The following EHMT1 variants were observed in gnomAD, a reference collection of about 807,000 sequenced individuals.
EHMT1 encodes the protein euchromatic histone lysine methyltransferase 1.
A neutral mutation model predicts 147.2 loss-of-function variants in EHMT1; 15 were observed. The ratio of observed to expected loss-of-function variants is 0.10; its 90% CI spans 0.07 to 0.16. The LOEUF (loss-of-function observed/expected upper bound fraction) is 0.16. Among genes scored for constraint, EHMT1 ranks in the 10% least tolerant of loss-of-function variants. The probability of loss-of-function intolerance (pLI) is 1.00; values close to 1 mark genes in which losing one functional copy is unlikely to be tolerated. For missense variants in EHMT1, 1,587 were observed against 1,772.4 expected (o/e 0.90, Z 1.88); for synonymous variants, 795 against 709.6 (o/e 1.12, Z -1.91).
chr9:137,652,453 C>T (rs2133964328), intron 1 of EHMT1, among the ~76,000 whole-genome samples: 1 of 152,118 alleles, frequency 6.6e-6, no homozygotes, highest in South Asian at 2.1e-4. Context: ...GTGGTGCGAT[C>T]TTGGCTCACT....
At chr9:137,636,185 G>C (rs1432528717) in intron 1 of EHMT1, among the ~76,000 whole-genome samples, 1 of 152,128 alleles carries the variant, frequency 6.6e-6, no homozygotes, top group Non-Finnish European at 1.5e-5. Context: ...CTCCCAGAGT[G>C]CTGGGATTAT....
chr9:137,691,190 A>G lies in EHMT1; in HGVS notation c.22-19777A>G, dbSNP rs566856043. On this transcript the variant is annotated intron_variant, in intron 1 of 26. Transcript: ENST00000460843. ...TAGGGACCTTACACAAGTGGACCATACAGTATTTATCTTTTGTGCTTGGCT... is the reference window on the plus strand; with the variant it reads ...TAGGGACCTTACACAAGTGGACCATGCAGTATTTATCTTTTGTGCTTGGCT... 6.6e-5 allele frequency among the ~76,000 whole-genome samples: 10 copies of G among 152,120 alleles called. No individual in the cohort carries two copies. The East Asian group carries it at 1.2e-3, about 18-fold the overall frequency.
intron 19 of EHMT1, 114 bp from the exon 20 acceptor site, chr9:137,812,881 AAGTTATCTCAC>A (rs1954607589): frequency 1.5e-6 from 2 of 1,351,094 alleles, no homozygotes; most frequent in South Asian, 2.4e-5. Context: ...AGACTTGTTC[AAGTTATCTCAC>A]AGTGAATAGT....
intron 3 of EHMT1, 29 bp downstream of exon 3, chr9:137,717,211 C>G: frequency 1.9e-6 from 3 of 1,608,626 alleles, no homozygotes; most frequent in Non-Finnish European, 2.5e-6. Flanking sequence ...TTGCTGTTTC[C>G]TTTTTCCCAT....
chr9:137,780,555 T>TGAC (rs759848441), intron 14 of EHMT1, among the ~76,000 whole-genome samples: 9 of 135,900 alleles, frequency 6.6e-5, no homozygotes, highest in Admixed American at 7.4e-5. Flanking sequence ...TGTGTGGTGA[T>TGAC]GGCATCACTG....
At chr9:137,799,216 G>A (rs1326935784) in intron 17 of EHMT1, among the ~76,000 whole-genome samples, 4 of 151,800 alleles carry the variant, frequency 2.6e-5, no homozygotes, top group Non-Finnish European at 4.4e-5. Context: ...GGGCCCTGGA[G>A]TGCCTTGTCC....
intron 9 of EHMT1, 151 bp from the exon 10 acceptor site, chr9:137,762,523 GC>G: frequency 7.3e-7 from 1 of 1,363,080 alleles, no homozygotes; most frequent in Non-Finnish European, 1.0e-6. Context: ...GGCCATCCCC[GC>G]CCCACGCAGG....
At chr9:137,725,704 C>T (rs907028266) in intron 3 of EHMT1, among the ~76,000 whole-genome samples, 4 of 152,060 alleles carry the variant, frequency 2.6e-5, no homozygotes, top group Non-Finnish European at 5.9e-5. Flanking sequence ...AAGATGCGCT[C>T]GAGAGACAGA....
intron 1 of EHMT1, among the ~76,000 whole-genome samples, chr9:137,705,136 T>A (rs1944157522): frequency 6.6e-6 from 1 of 152,018 alleles, no homozygotes; most frequent in South Asian, 2.1e-4. Flanking sequence ...ACTACAGGTG[T>A]GTGCCACCAC....
chr9:137,817,432 T>C lies in EHMT1; in HGVS notation c.3375-7T>C. 6.2e-7 allele frequency: 1 copy of C among 1,614,158 alleles called. No homozygotes were observed. Among genetic ancestry groups the C allele is most frequent in the Non-Finnish European group, 8.5e-7 (1 of 1,180,016 alleles). On this transcript the variant is annotated splice_region_variant and splice_polypyrimidine_tract_variant and intron_variant, in intron 23 of 26. Transcript: ENST00000460843. ...GCCTGGGTTCACCACTACTCTCTAT[T>C]TTTCAGGGCAAGGCTGCAGCTCTAC...
intron 1 of EHMT1, among the ~76,000 whole-genome samples, chr9:137,695,789 A>G (rs781646970): frequency 6.6e-6 from 1 of 152,372 alleles, no homozygotes; most frequent in Non-Finnish European, 1.5e-5. Flanking sequence ...CTTCAGCCAC[A>G]TACTTCAGGT....
intron 1 of EHMT1, among the ~76,000 whole-genome samples, chr9:137,647,218 T>C (rs556365458): frequency 1.3e-5 from 2 of 152,206 alleles, no homozygotes; most frequent in African/African-American, 4.8e-5. Flanking sequence ...TGTGTCCTTA[T>C]TCCCTGAGCT....
intron 4 of EHMT1, among the ~76,000 whole-genome samples, chr9:137,739,370 AAG>A (rs1267071334): frequency 6.6e-6 from 1 of 152,086 alleles, no homozygotes; most frequent in Non-Finnish European, 1.5e-5. Flanking sequence ...AAAAAAAAAA[AAG>A]AAAGAAAAAG....
intron 1 of EHMT1, among the ~76,000 whole-genome samples, chr9:137,706,164 G>T (rs1401234147): frequency 2.0e-5 from 3 of 152,190 alleles, no homozygotes; most frequent in Non-Finnish European, 4.4e-5. Context: ...CTGGCCTGGG[G>T]GTTGGCGAGT....
At chr9:137,635,229 C>G (rs1447870871) in intron 1 of EHMT1, among the ~76,000 whole-genome samples, 1 of 151,648 alleles carries the variant, frequency 6.6e-6, no homozygotes, top group African/African-American at 2.4e-5. Flanking sequence ...TATTTTGAGA[C>G]AGAGTCTTGC....
intron 2 of EHMT1, among the ~76,000 whole-genome samples, chr9:137,714,003 T>G (rs1009997068): frequency 6.6e-6 from 1 of 152,228 alleles, no homozygotes; most frequent in Non-Finnish European, 1.5e-5. Flanking sequence ...TCTTATATCC[T>G]ATAACCTTGC....
In EHMT1 at chr9:137,728,536, A is replaced by G. The variant is rs1432339970; in HGVS notation, c.823+7A>G. 3.1e-6 allele frequency: 5 copies of G among 1,614,100 alleles called. No individual in the cohort carries two copies. The highest frequency in any genetic ancestry group is 1.3e-5 in the African/African-American group (1 of 75,040). On this transcript the variant is annotated splice_region_variant and intron_variant, in intron 4 of 26. Coordinates refer to ENST00000460843, the MANE Select transcript of EHMT1 (RefSeq NM_024757.5). ...ACCACAAAATCACAGACAGGTAAAGAGGACCCGGCAACTGTCTCTGCTCTT... is the reference window on the plus strand; with the variant it reads ...ACCACAAAATCACAGACAGGTAAAGGGGACCCGGCAACTGTCTCTGCTCTT...
At chr9:137,742,198 G>C (rs908144765) in intron 4 of EHMT1, among the ~76,000 whole-genome samples, 2 of 152,034 alleles carry the variant, frequency 1.3e-5, no homozygotes, top group African/African-American at 4.8e-5. Flanking sequence ...GGCGTCTGTG[G>C]GTGGTGCTGT....
intron 10 of EHMT1, among the ~76,000 whole-genome samples, chr9:137,771,436 G>A (rs534784649): frequency 2.6e-5 from 4 of 152,164 alleles, no homozygotes; most frequent in South Asian, 2.1e-4. Context: ...CCTGACCTCA[G>A]GTGATCCTCC....
Sources: gnomAD v4.1 joint callset for allele counts (sites outside exome capture counted in the v4.1 genomes callset) on GRCh38, gnomAD v4.1.1 for gene constraint, MANE v1.5 for transcripts, NCBI Gene and HGNC (gene_info 2026-07-23, HGNC 2026-07-21) for gene names.